Variants in GALNT18 observed in about 807,000 individuals in gnomAD.
GALNT18 encodes the protein polypeptide N-acetylgalactosaminyltransferase 18, also known as GalNAc-transferase 18.
Under a neutral mutation model 69.5 loss-of-function variants are expected in GALNT18, and 44 were observed. The observed-to-expected ratio is 0.63, with a 90% CI of 0.50 to 0.81. The LOEUF is 0.81. Ranked by LOEUF, GALNT18 falls within the 40% of genes least tolerant of loss-of-function variation. The probability of loss-of-function intolerance (pLI) is 0.00; values close to 1 mark genes in which losing one functional copy is unlikely to be tolerated. For missense variants in GALNT18, 715 were observed against 810.0 expected, an observed-to-expected ratio of 0.88 and a Z score of 1.42; for synonymous variants, 364 against 318.2, an observed-to-expected ratio of 1.14 and a Z score of -1.53.
At chr11:11,394,622 C>T (rs1016209556) in intron 3 of GALNT18, among the ~76,000 whole-genome samples, 1 of 152,196 alleles carries the variant, frequency 6.6e-6, no homozygotes, top group Admixed American at 6.5e-5. Context: ...TATGTTGTTT[C>T]CCCCCAAATA....
Position 11,404,499 on chromosome 11 carries a change from C to T in GALNT18, c.596-25235G>A, listed in dbSNP as rs1343467351. 6.6e-6 allele frequency among the ~76,000 whole-genome samples: 1 copy of T among 152,138 alleles called. No individual in the cohort carries two copies. Among genetic ancestry groups the T allele is most frequent in the African/African-American group, 2.4e-5 (1 of 41,440 alleles). ...AAGGAGTTAAGGATCAAACGGCGCC[C>T]AGGGAGTGAGCCAAACATTCCATGT... On this transcript the variant is annotated intron_variant, in intron 3 of 10. Transcript: ENST00000227756. This position sits in a 1 kb window ranked among gnomAD's most constrained non-coding sequence, Gnocchi z 4.5.
chr11:11,322,637 G>T (rs1482658568), intron 9 of GALNT18, among the ~76,000 whole-genome samples: 1 of 152,176 alleles, frequency 6.6e-6, no homozygotes, highest in African/African-American at 2.4e-5. Flanking sequence ...AAAAATATGG[G>T]TAATACCAAA....
intron 7 of GALNT18, among the ~76,000 whole-genome samples, chr11:11,333,922 T>C (rs1396083025): frequency 6.6e-6 from 1 of 151,864 alleles, no homozygotes; most frequent in African/African-American, 2.4e-5. Context: ...GTCCATCCTC[T>C]GGGGATCTGA....
At chr11:11,287,205 G>A (rs1016723485) in intron 10 of GALNT18, among the ~76,000 whole-genome samples, 1 of 152,204 alleles carries the variant, frequency 6.6e-6, no homozygotes, top group Non-Finnish European at 1.5e-5. Context: ...GCAATTTCTG[G>A]TCTTAAATAG....
chr11:11,323,282 A>C (rs1849866801), intron 9 of GALNT18, among the ~76,000 whole-genome samples: 1 of 152,190 alleles, frequency 6.6e-6, no homozygotes, highest in Non-Finnish European at 1.5e-5. Flanking sequence ...CCCAAGGCAA[A>C]ATTTCTCTTC....
intron 1 of GALNT18, among the ~76,000 whole-genome samples, chr11:11,527,006 C>T (rs888529666): frequency 3.9e-5 from 6 of 152,168 alleles, no homozygotes; most frequent in Admixed American, 1.3e-4. Flanking sequence ...TGAAGGAGCC[C>T]GACACAGGGA....
At chr11:11,275,743 C>A (rs1387221133) in intron 10 of GALNT18, among the ~76,000 whole-genome samples, 5 of 152,216 alleles carry the variant, frequency 3.3e-5, no homozygotes, top group African/African-American at 1.2e-4. Context: ...CTTCAGTTTT[C>A]TGCATATGGC....
At chr11:11,570,071 G>T (rs1200773932) in intron 1 of GALNT18, 2 of 152,272 alleles carry the variant, frequency 1.3e-5, no homozygotes, top group Non-Finnish European at 1.5e-5. Context: ...GCTCAGCCAG[G>T]CTGGGAGTGT....
chr11:11,336,022 TA>T lies in GALNT18; in HGVS notation c.1279-3192del, dbSNP rs568107751. Among the ~76,000 whole-genome samples, 28 of 152,282 alleles carry T rather than the reference TA, an allele frequency of 1.8e-4. 1 individual carries two copies. The South Asian group carries it at 5.4e-3, about 29-fold the overall frequency. On this transcript the variant is annotated intron_variant, in intron 7 of 10. Coordinates refer to ENST00000227756, the MANE Select transcript of GALNT18 (RefSeq NM_198516.3). ...AAACAAATATATTAACTTAGCCACA[TA>T]AAAAGTGCCCAGTATTGCAGCCACA...
intron 9 of GALNT18, among the ~76,000 whole-genome samples, chr11:11,302,317 T>G (rs555810422): frequency 6.6e-6 from 1 of 152,196 alleles, no homozygotes; most frequent in African/African-American, 2.4e-5. Context: ...GGTGCCCCAT[T>G]TTACTGGGAT....
rs1855985456 is a variant in GALNT18, at chr11:11,459,137, A to G, written c.236-10201T>C. Among the ~76,000 whole-genome samples the G allele has an allele frequency of 6.6e-6, 1 of 152,164 alleles. No individual in the cohort carries two copies. The highest frequency in any genetic ancestry group is 1.5e-5 in the Non-Finnish European group (1 of 68,030). On this transcript the variant is annotated intron_variant, in intron 1 of 10. Transcript: ENST00000227756. The surrounding 1 kb of genome is among the most constrained non-coding windows in gnomAD (Gnocchi z 5.0). ...ATCCTTGAATATGTCAAGTGCCCTA[A>G]TAATGGTAAGTAAATGCACTATTCT...
At chr11:11,381,620 G>A (rs768497909) in intron 3 of GALNT18, among the ~76,000 whole-genome samples, 3 of 152,186 alleles carry the variant, frequency 2.0e-5, no homozygotes, top group Non-Finnish European at 4.4e-5. Context: ...GGGACCCTGC[G>A]CAAGTTCCAG....
rs1196062213 is a variant in GALNT18, at chr11:11,602,366, T to A, written c.235+18993A>T. On this transcript the variant is annotated intron_variant, in intron 1 of 10. Coordinates refer to ENST00000227756, the MANE Select transcript of GALNT18 (RefSeq NM_198516.3). This position sits in a 1 kb window ranked among gnomAD's most constrained non-coding sequence, Gnocchi z 4.7. ...GCAGCCCCAGACCACTCAACCATGC[T>A]CTGCAACACAGAGCTGGGAGACATG... is the stretch of plus-strand genomic sequence containing the variant. Among the ~76,000 whole-genome samples the A allele has an allele frequency of 1.3e-5, 2 of 152,218 alleles. No individual in the cohort carries two copies. The highest frequency in any genetic ancestry group is 3.9e-4 in the East Asian group (2 of 5,166).
rs1854533075 is a variant in GALNT18 at position 11,404,158 on chromosome 11, T to C, written c.596-24894A>G. ...GGCTCCCCATGAAACGGGCTTTCTCTTCCGTAAAGGAGTGAGTGTCTAGGG... is the reference window on the plus strand; with the variant it reads ...GGCTCCCCATGAAACGGGCTTTCTCCTCCGTAAAGGAGTGAGTGTCTAGGG... On this transcript the variant is annotated intron_variant, in intron 3 of 10. Coordinates refer to ENST00000227756, the MANE Select transcript of GALNT18 (RefSeq NM_198516.3). The surrounding 1 kb of genome is among the most constrained non-coding windows in gnomAD (Gnocchi z 4.5). Among the ~76,000 whole-genome samples, 1 of 152,216 alleles carries C rather than the reference T, an allele frequency of 6.6e-6. No homozygotes were observed. The highest frequency in any genetic ancestry group is 6.5e-5 in the Admixed American group (1 of 15,292).
chr11:11,591,197 C>G lies in GALNT18; in HGVS notation c.235+30162G>C. Among the ~76,000 whole-genome samples, 1 of 144,364 alleles carries G rather than the reference C, an allele frequency of 6.9e-6. No individual in the cohort carries two copies. The allele number at this position is 144,364 out of a possible 152,430, so 94.7% of individuals were successfully genotyped here. On this transcript the variant is annotated intron_variant, in intron 1 of 10. Coordinates refer to ENST00000227756, the MANE Select transcript of GALNT18 (RefSeq NM_198516.3). The surrounding 1 kb of genome is among the most constrained non-coding windows in gnomAD (Gnocchi z 4.8). The stretch of plus-strand genomic sequence containing the variant: ...GTGTGTGTGTGTGTTAGTTTTTAAG[C>G]CTTTTTAAGGCCTTTTTAAGGCTTT...
In GALNT18 at chr11:11,379,200, G is replaced by A. The variant is rs1853850557; in HGVS notation, c.660C>T (p.Ile220=). ...CCTGCTTGCTGTGACGCACGACTTTGATGAAGCCTGGCTTCTGGCTGTTCA... is the reference window on the plus strand; with the variant it reads ...CCTGCTTGCTGTGACGCACGACTTTAATGAAGCCTGGCTTCTGGCTGTTCA... ...DKVNSQKPGF[I]KVVRHSKQEG... is the part of the protein sequence containing the mutation. The change falls in exon 4 of 11, where the codon ATC becomes ATT. Residue 220 remains isoleucine (I), a synonymous_variant. Transcript: ENST00000227756. 1 of 1,613,006 alleles carries A rather than the reference G, an allele frequency of 6.2e-7. No individual in the cohort carries two copies. Among genetic ancestry groups the A allele is most frequent in the African/African-American group, 1.3e-5 (1 of 75,016 alleles).
In GALNT18 at chr11:11,546,491, C is replaced by G. The variant is rs536539562; in HGVS notation, c.235+74868G>C. 1.1e-4 allele frequency among the ~76,000 whole-genome samples: 17 copies of G among 152,334 alleles called. No homozygotes were observed. Among genetic ancestry groups the G allele is most frequent in the Non-Finnish European group, 2.1e-4 (14 of 68,030 alleles). On this transcript the variant is annotated intron_variant, in intron 1 of 10. Transcript: ENST00000227756. This position sits in a 1 kb window ranked among gnomAD's most constrained non-coding sequence, Gnocchi z 5.8. ...GCTTATCATCTCAGAACCTACAATC[C>G]CGTCTCTATAGTCCTCTACAAATCA... is the stretch of plus-strand genomic sequence containing the variant.
rs1857168856 is a variant in GALNT18, at chr11:11,511,680, G to A, written c.236-62744C>T. 6.6e-6 allele frequency among the ~76,000 whole-genome samples: 1 copy of A among 152,202 alleles called. No individual in the cohort carries two copies. Among genetic ancestry groups the A allele is most frequent in the Admixed American group, 6.5e-5 (1 of 15,284 alleles). On this transcript the variant is annotated intron_variant, in intron 1 of 10. Coordinates refer to ENST00000227756, the MANE Select transcript of GALNT18 (RefSeq NM_198516.3). This position sits in a 1 kb window ranked among gnomAD's most constrained non-coding sequence, Gnocchi z 4.9. ...ATGTTTGAAGGTAGGGCCTTTGGGA[G>A]GTGATTGGATCATAAGGGTGGAGCC...
At position 11,602,332 on chromosome 11, in the gene GALNT18, T is replaced by TA. The variant is rs1434176693; in HGVS notation, c.235+19026dup. 3.9e-5 allele frequency among the ~76,000 whole-genome samples: 6 copies of TA among 152,048 alleles called. No individual in the cohort carries two copies. Among genetic ancestry groups the TA allele is most frequent in the African/African-American group, 1.4e-4 (6 of 41,396 alleles). ...AACACAGGGTAAAGCTTCCACCCTG[T>TA]AAGTAGGGGCAGCCCCAGACCACTC... On this transcript the variant is annotated intron_variant, in intron 1 of 10. Transcript: ENST00000227756. This position sits in a 1 kb window ranked among gnomAD's most constrained non-coding sequence, Gnocchi z 4.7.
Sources: gnomAD v4.1 joint callset for allele counts (sites outside exome capture counted in the v4.1 genomes callset) on GRCh38, gnomAD v4.1.1 for gene constraint, Gnocchi (gnomAD v3.1) non-coding constraint, MANE v1.5 for transcripts, NCBI Gene and HGNC (gene_info 2026-07-23, HGNC 2026-07-21) for gene names.